The following LAMC2 variants were observed in gnomAD, a reference collection of about 807,000 sequenced individuals.
LAMC2 encodes laminin subunit gamma 2, also known as laminin subunit gamma-2.
Under a neutral mutation model 140.2 loss-of-function variants are expected in LAMC2, and 97 were observed. That is an observed-to-expected ratio of 0.69 (90% CI 0.59 to 0.82). The LOEUF (loss-of-function observed/expected upper bound fraction) is 0.82, where lower values mean the gene tolerates loss of function less well. Among genes scored for constraint, LAMC2 ranks in the 40% least tolerant of loss-of-function variants. The pLI is 0.00. For missense variants in LAMC2, 1,402 were observed against 1,476.1 expected (o/e 0.95, Z 0.82); for synonymous variants, 513 against 540.2 (o/e 0.95, Z 0.70).
intron 1 of LAMC2, among the ~76,000 whole-genome samples, chr1:183,189,081 T>G (rs564634822): frequency 6.6e-6 from 1 of 152,196 alleles, no homozygotes; most frequent in South Asian, 2.1e-4. Context: ...TGAGAGATGA[T>G]GAAGACTTTC....
At position 183,209,948 on chromosome 1, in the gene LAMC2, A is replaced by G. The variant is rs575047426; in HGVS notation, c.268+1879A>G. ...CCAGACTCAGTGGGAACAGCTTGGCAGGAAGTGGTGGAGCCCAGTATTGAT... is the reference window on the plus strand; with the variant it reads ...CCAGACTCAGTGGGAACAGCTTGGCGGGAAGTGGTGGAGCCCAGTATTGAT... On this transcript the variant is annotated intron_variant, in intron 2 of 22. Coordinates refer to ENST00000264144, the MANE Select transcript of LAMC2 (RefSeq NM_005562.3). 1.1e-4 allele frequency among the ~76,000 whole-genome samples: 16 copies of G among 152,336 alleles called. No homozygotes were observed. In the South Asian group the frequency reaches 3.3e-3, roughly 32 times the overall value.
intron 6 of LAMC2, among the ~76,000 whole-genome samples, chr1:183,222,537 G>T (rs1378999376): frequency 6.6e-6 from 1 of 151,976 alleles, no homozygotes; most frequent in Non-Finnish European, 1.5e-5. Flanking sequence ...TGAGAAGTAG[G>T]TGGAAAGCAA....
intron 16 of LAMC2, 40 bp downstream of exon 16, chr1:183,235,770 GGAT>G: frequency 6.2e-7 from 1 of 1,610,498 alleles, no homozygotes; most frequent in South Asian, 1.1e-5. Context: ...ATTATACCTT[GGAT>G]ACTCCCAGGG....
chr1:183,230,879 G>A, intron 11 of LAMC2, 82 bp from the exon 12 acceptor site: 2 of 1,508,456 alleles, frequency 1.3e-6, no homozygotes, highest in Non-Finnish European at 1.8e-6. Flanking sequence ...TTGGAGGCTT[G>A]ATCTCCTTCC....
At chr1:183,230,880 A>G (rs191199379) in intron 11 of LAMC2, 81 bp from the exon 12 acceptor site, 2 of 1,500,422 alleles carry the variant, frequency 1.3e-6, no homozygotes, top group East Asian at 2.3e-5. Flanking sequence ...TGGAGGCTTG[A>G]TCTCCTTCCT....
chr1:183,235,781 G>A (rs751221818), intron 16 of LAMC2, 51 bp downstream of exon 16: 64 of 1,601,216 alleles, frequency 4.0e-5, no homozygotes, highest in Non-Finnish European at 5.3e-5. Context: ...GATACTCCCA[G>A]GGCAAAATGC....
At chr1:183,256,815 G>T in the LAMC2 span, among the ~76,000 whole-genome samples, 13 of 152,050 alleles carry the variant, frequency 8.5e-5, no homozygotes, top group Non-Finnish European at 1.8e-4. Flanking sequence ...AGCAGCGCAT[G>T]ATCTCAGTTC....
rs778369982 is a variant in LAMC2, at chr1:183,235,545, C to T, written c.2301-30C>T. The T allele has an allele frequency of 2.5e-6, 4 of 1,613,812 alleles. No individual in the cohort carries two copies. The Admixed American group carries it at 5.0e-5, about 20-fold the overall frequency. On this transcript the variant is annotated intron_variant, in intron 15 of 22. Transcript: ENST00000264144. ...CTAAAGGAAGCCCTTTGCGTGAAAA[C>T]TCTTATTCTTTTGTTTTTAATCCTT...
chr1:183,195,246 C>A (rs1401688593), intron 1 of LAMC2, among the ~76,000 whole-genome samples: 1 of 152,092 alleles, frequency 6.6e-6, no homozygotes, highest in Admixed American at 6.6e-5. Context: ...CTGATGGAGT[C>A]CTCACCAGGC....
chr1:183,252,460 A>C, the LAMC2 span: 1 of 413,412 alleles, frequency 2.4e-6, no homozygotes, highest in East Asian at 5.7e-5. Flanking sequence ...AAGTCTGTCC[A>C]AAGATGACTG....
chr1:183,229,635 C>CA (rs1304647617), intron 11 of LAMC2, among the ~76,000 whole-genome samples: 18,941 of 90,108 alleles, frequency 0.21, 1,881 homozygotes, highest in African/African-American at 0.26. Flanking sequence ...GACTCCATCT[C>CA]AAAAAAAAAA....
chr1:183,218,971 T>C (rs1013553502), intron 4 of LAMC2, among the ~76,000 whole-genome samples: 8 of 152,216 alleles, frequency 5.3e-5, no homozygotes, highest in African/African-American at 1.9e-4. Context: ...GGCAGTTACA[T>C]GCACACACAT....
At chr1:183,247,501 A>G (rs922524352), downstream of LAMC2, among the ~76,000 whole-genome samples, 1 of 151,640 alleles carries the variant, frequency 6.6e-6, no homozygotes. Flanking sequence ...ACGGATGTAC[A>G]CAAAGCTGCC....
In LAMC2 at chr1:183,244,612, C is replaced by T. The variant is rs906072010; in HGVS notation, c.*1212C>T. 3 of 152,656 alleles carry T rather than the reference C, an allele frequency of 2.0e-5. No individual in the cohort carries two copies. Among genetic ancestry groups the T allele is most frequent in the Non-Finnish European group, 2.9e-5 (2 of 68,050 alleles). 9.5% of individuals were successfully genotyped at this position (152,656 alleles called of 1,614,324 possible). A position where few individuals can be genotyped will look rare whatever the true frequency, so the allele number is the denominator to read the frequency against. ...ATTGCAATAACCGCTTGGTTTGCAA[C>T]CTCTTTGCTCAACAGAACATATGTT... is the stretch of plus-strand genomic sequence containing the variant. On this transcript the variant is annotated 3_prime_UTR_variant, in exon 23 of 23. Coordinates refer to ENST00000264144, the MANE Select transcript of LAMC2 (RefSeq NM_005562.3).
Position 183,221,589 on chromosome 1 carries a change from C to T in LAMC2, c.641-500C>T, listed in dbSNP as rs559089694. 3.3e-5 allele frequency among the ~76,000 whole-genome samples: 5 copies of T among 152,018 alleles called. No individual in the cohort carries two copies. In the South Asian group the frequency reaches 6.2e-4, roughly 19 times the overall value. On this transcript the variant is annotated intron_variant, in intron 5 of 22. Transcript: ENST00000264144. ...TAAAAATACAAAAAAATTAGCCGGG[C>T]GTAGTGGTGGGCACCTGTAGTCCCA...
At chr1:183,192,423 C>T (rs1197980853) in intron 1 of LAMC2, among the ~76,000 whole-genome samples, 1 of 152,174 alleles carries the variant, frequency 6.6e-6, no homozygotes, top group African/African-American at 2.4e-5. Flanking sequence ...TATGTTTCAC[C>T]ATGTTTTTCT....
chr1:183,252,420 T>TC, the LAMC2 span: 2 of 321,096 alleles, frequency 6.2e-6, no homozygotes, highest in Non-Finnish European at 1.2e-5. Flanking sequence ...CCCCATTCCC[T>TC]CACCCACCCC....
intron 1 of LAMC2, among the ~76,000 whole-genome samples, chr1:183,192,655 C>A (rs1288501714): frequency 6.8e-6 from 1 of 147,894 alleles, no homozygotes; most frequent in Non-Finnish European, 1.5e-5. Flanking sequence ...GGCCAGATTT[C>A]AGTTACTAGT....
intron 1 of LAMC2, 136 bp downstream of exon 1, chr1:183,186,567 C>A (rs1658159136): frequency 1.2e-6 from 1 of 825,038 alleles, no homozygotes; most frequent in African/African-American, 2.3e-5. Context: ...TTCTCCTCCC[C>A]TATCTGGGGC....
Sources: allele counts gnomAD v4.1 joint callset (sites outside exome capture counted in the v4.1 genomes callset), GRCh38; gene constraint gnomAD v4.1.1; transcripts MANE v1.5; gene names NCBI Gene and HGNC (gene_info 2026-07-23, HGNC 2026-07-21).